PALMD: variants seen among roughly 807,000 people sequenced by gnomAD.
PALMD encodes the protein palmdelphin, also known as paralemmin-like protein.
A neutral mutation model predicts 56.2 loss-of-function variants in PALMD; 42 were observed. That is an observed-to-expected ratio of 0.75 (90% confidence interval 0.58 to 0.97). The LOEUF (loss-of-function observed/expected upper bound fraction) is 0.97, where lower values mean the gene tolerates loss of function less well. Ranked by LOEUF, PALMD falls within the 50% of genes least tolerant of loss-of-function variation. The pLI is 0.00. For missense variants in PALMD, 660 were observed against 643.8 expected (o/e 1.03, Z -0.27); for synonymous variants, 242 against 222.9 (o/e 1.09, Z -0.76).
intron 3 of PALMD, among the ~76,000 whole-genome samples, chr1:99,683,082 G>A (rs1207046189): frequency 2.0e-4 from 4 of 19,910 alleles, no homozygotes; most frequent in African/African-American, 1.6e-3. Context: ...GAGAGAGAGA[G>A]AGAGAGAGAA....
intron 3 of PALMD, among the ~76,000 whole-genome samples, chr1:99,682,052 A>T (rs1237288953): frequency 6.6e-6 from 1 of 152,204 alleles, no homozygotes; most frequent in Non-Finnish European, 1.5e-5. Context: ...GGGAGCATCC[A>T]GTTCCTTACT....
chr1:99,657,782 G>A (rs834984), intron 1 of PALMD, among the ~76,000 whole-genome samples: 104,792 of 151,942 alleles, frequency 0.69, 36,818 homozygotes, highest in African/African-American at 0.82. Context: ...GCTGTTCTAA[G>A]TAATGTCCCA....
Position 99,689,193 on chromosome 1 carries a change from G to A in PALMD, c.933G>A (p.Glu311=), listed in dbSNP as rs1364799584. The change falls in exon 7 of 8, where the codon GAG becomes GAA. Residue 311 remains glutamate (E), a synonymous_variant. Coordinates refer to ENST00000263174, the MANE Select transcript of PALMD (RefSeq NM_017734.5). The part of the protein sequence containing the change: ...SIHNMGNGLS[E]ERGNNFNHIS... ...ACAATATGGGCAATGGTCTTTCAGA[G>A]GAAAGGGGAAACAACTTCAATCACA... The A allele has an allele frequency of 3.7e-6, 6 of 1,613,430 alleles. No homozygotes were observed. Among genetic ancestry groups the A allele is most frequent in the South Asian group, 3.3e-5 (3 of 91,072 alleles).
chr1:99,693,654 T>A (rs1361222245), intron 7 of PALMD, among the ~76,000 whole-genome samples: 1 of 152,186 alleles, frequency 6.6e-6, no homozygotes, highest in Admixed American at 6.5e-5. Flanking sequence ...AAACACCATT[T>A]TATTTTGGCA....
At position 99,670,426 on chromosome 1, in the gene PALMD, A is replaced by G. The variant is rs142418586; in HGVS notation, c.251+2660A>G. The stretch of plus-strand genomic sequence containing the variant: ...AAGAAAGTGCCAACACCTCCATTTC[A>G]CAGATGAGGAAATAGGCGCAGAGAA... On this transcript the variant is annotated intron_variant, in intron 3 of 7. Coordinates refer to ENST00000263174, the MANE Select transcript of PALMD (RefSeq NM_017734.5). 7.7e-4 allele frequency among the ~76,000 whole-genome samples: 118 copies of G among 152,356 alleles called. 1 individual carries two copies. Among genetic ancestry groups the G allele is most frequent in the African/African-American group, 2.5e-3 (105 of 41,584 alleles).
intron 3 of PALMD, among the ~76,000 whole-genome samples, chr1:99,674,180 T>C (rs1653153119): frequency 6.6e-6 from 1 of 152,148 alleles, no homozygotes; most frequent in African/African-American, 2.4e-5. Flanking sequence ...ATCCCGACCT[T>C]TCAGCATTCA....
intron 2 of PALMD, among the ~76,000 whole-genome samples, chr1:99,664,282 A>G (rs184883434): frequency 6.6e-6 from 1 of 152,342 alleles, no homozygotes; most frequent in Non-Finnish European, 1.5e-5. Flanking sequence ...CAGTATAATT[A>G]TTCTTTAATC....
At position 99,688,758 on chromosome 1, in the gene PALMD, A is replaced by G. The variant is rs1416066113; in HGVS notation, c.515-17A>G. The G allele has an allele frequency of 3.9e-6, 6 of 1,529,734 alleles. No homozygotes were observed. The Admixed American group carries it at 1.3e-4, about 32-fold the overall frequency. The allele number at this position is 1,529,734 out of a possible 1,614,324, so 94.8% of individuals were successfully genotyped here. A position where few individuals can be genotyped will look rare whatever the true frequency, so the allele number is the denominator to read the frequency against. Reference sequence around the variant, plus strand: ...GAAAAGTTAACTAAATCAAAGATCAAATTTGTTTCTTAACAGCTTTATATG... The same window carrying G: ...GAAAAGTTAACTAAATCAAAGATCAGATTTGTTTCTTAACAGCTTTATATG... On this transcript the variant is annotated splice_polypyrimidine_tract_variant and intron_variant, in intron 6 of 7. Transcript: ENST00000263174.
At chr1:99,690,099 T>A (rs1047346131) in intron 7 of PALMD, 2 of 486,616 alleles carry the variant, frequency 4.1e-6, no homozygotes, top group African/African-American at 4.0e-5. Flanking sequence ...GATATTGTAT[T>A]GAGGAACTTT....
At chr1:99,692,735 C>A (rs550557123) in intron 7 of PALMD, among the ~76,000 whole-genome samples, 1 of 152,164 alleles carries the variant, frequency 6.6e-6, no homozygotes, top group African/African-American at 2.4e-5. Context: ...TTGGTAGGGG[C>A]AAGATAGAGG....
chr1:99,674,493 C>T (rs1284105049), intron 3 of PALMD, among the ~76,000 whole-genome samples: 1 of 151,992 alleles, frequency 6.6e-6, no homozygotes, highest in African/African-American at 2.4e-5. Context: ...ACTCCAGACC[C>T]TTCCCACCAG....
chr1:99,646,913 G>A (rs181550998), intron 1 of PALMD, among the ~76,000 whole-genome samples: 1 of 152,246 alleles, frequency 6.6e-6, no homozygotes, highest in Admixed American at 6.5e-5. Flanking sequence ...CTAGGTAAAA[G>A]CACGTATCAG....
chr1:99,672,857 AT>A (rs553244092), intron 3 of PALMD, among the ~76,000 whole-genome samples: 14 of 150,492 alleles, frequency 9.3e-5, no homozygotes, highest in African/African-American at 1.7e-4. Flanking sequence ...TCTAGCACGG[AT>A]TTTTTTTTTA....
chr1:99,693,754 A>G (rs988820839), intron 7 of PALMD, among the ~76,000 whole-genome samples: 10 of 152,174 alleles, frequency 6.6e-5, no homozygotes, highest in African/African-American at 2.4e-4. Flanking sequence ...TTAATCCTGT[A>G]TTTGTTCCAC....
chr1:99,661,382 A>G (rs537652174), intron 1 of PALMD, among the ~76,000 whole-genome samples: 42 of 152,232 alleles, frequency 2.8e-4, no homozygotes, highest in Non-Finnish European at 5.7e-4. Flanking sequence ...GTTGCTTTCT[A>G]TGTGATTAAC....
intron 1 of PALMD, among the ~76,000 whole-genome samples, chr1:99,661,306 T>A (rs911677113): frequency 1.3e-5 from 2 of 152,210 alleles, no homozygotes; most frequent in Admixed American, 6.5e-5. Context: ...TAGTCAAATG[T>A]CTCAAACAAT....
chr1:99,681,116 TG>T (rs1653333804), intron 3 of PALMD, among the ~76,000 whole-genome samples: 1 of 139,318 alleles, frequency 7.2e-6, no homozygotes, highest in Admixed American at 7.2e-5. Flanking sequence ...TGTGTGTGTG[TG>T]TGTGTGTGTG....
chr1:99,692,562 G>T (rs961689750), intron 7 of PALMD, among the ~76,000 whole-genome samples: 1 of 152,068 alleles, frequency 6.6e-6, no homozygotes, highest in Non-Finnish European at 1.5e-5. Context: ...CTTGAAAAAA[G>T]GAAAGAAAGG....
At chr1:99,692,550 G>A (rs1397054886) in intron 7 of PALMD, among the ~76,000 whole-genome samples, 1 of 152,066 alleles carries the variant, frequency 6.6e-6, no homozygotes, top group Admixed American at 6.6e-5. Context: ...ACTTGCCATA[G>A]GCTTGAAAAA....
Sources: gnomAD v4.1 joint callset for allele counts (sites outside exome capture counted in the v4.1 genomes callset) on GRCh38, gnomAD v4.1.1 for gene constraint, MANE v1.5 for transcripts, NCBI Gene and HGNC (gene_info 2026-07-23, HGNC 2026-07-21) for gene names.